ZRANB3: variants seen among roughly 807,000 people sequenced by gnomAD.
ZRANB3 encodes the protein DNA annealing helicase and endonuclease ZRANB3.
A neutral mutation model predicts 133.8 loss-of-function variants in ZRANB3; 125 were observed. That is an observed-to-expected ratio of 0.93 (90% CI 0.81 to 1.08). The LOEUF is 1.08. Among genes scored for constraint, ZRANB3 ranks in the 50% least tolerant of loss-of-function variants. ZRANB3 has a pLI of 0.00. For missense variants in ZRANB3, 1,229 were observed against 1,275.5 expected (o/e 0.96, Z 0.56); for synonymous variants, 387 against 432.7 (o/e 0.89, Z 1.31).
chr2:135,339,338 G>A (rs1684522110), intron 6 of ZRANB3, among the ~76,000 whole-genome samples: 1 of 152,110 alleles, frequency 6.6e-6, no homozygotes, highest in Non-Finnish European at 1.5e-5. Flanking sequence ...TTGAACCCGG[G>A]AGGCAGAGGT....
chr2:135,217,108 A>G (rs1694343317), intron 17 of ZRANB3, among the ~76,000 whole-genome samples: 1 of 152,172 alleles, frequency 6.6e-6, no homozygotes, highest in South Asian at 2.1e-4. Context: ...GGCAAAGCAG[A>G]TGGGGTCCAG....
At chr2:135,363,475 A>AT (rs1685783609) in intron 3 of ZRANB3, among the ~76,000 whole-genome samples, 1 of 152,234 alleles carries the variant, frequency 6.6e-6, no homozygotes, top group South Asian at 2.1e-4. Flanking sequence ...ATTTTCCATA[A>AT]TTTTTGTACG....
rs1478467765 is a variant in ZRANB3, at chr2:135,197,995, CTG to C, written c.*2345_*2346del. 1 of 152,338 alleles carries C rather than the reference CTG, an allele frequency of 6.6e-6. No individual in the cohort carries two copies. The highest frequency in any genetic ancestry group is 1.5e-5 in the Non-Finnish European group (1 of 68,176). 9.4% of individuals were successfully genotyped at this position (152,338 alleles called of 1,614,324 possible). On this transcript the variant is annotated 3_prime_UTR_variant, in exon 21 of 21. Coordinates refer to ENST00000264159, the MANE Select transcript of ZRANB3 (RefSeq NM_032143.4). ...TTTGTTGTTGTTTTCTTAGCCTAAA[CTG>C]TATCTTGCAGCTTCTCTGAGTCTTT...
chr2:135,470,185 C>T lies in ZRANB3; in HGVS notation c.161+34144G>A, dbSNP rs370378773. On this transcript the variant is annotated intron_variant, in intron 2 of 20. Transcript: ENST00000264159. ...ACTAAAAATACAAAAATTAGCCAGG[C>T]GTGGTGGTGGGCACCTATAATCCCA... Among the ~76,000 whole-genome samples, 15 of 151,238 alleles carry T rather than the reference C, an allele frequency of 9.9e-5. No individual in the cohort carries two copies. In the South Asian group the frequency reaches 2.7e-3, roughly 27 times the overall value.
intron 2 of ZRANB3, among the ~76,000 whole-genome samples, chr2:135,436,569 T>A (rs1461519470): frequency 6.6e-6 from 1 of 151,998 alleles, no homozygotes; most frequent in Non-Finnish European, 1.5e-5. Context: ...AGGTGAAAGA[T>A]CTCTACAATG....
chr2:135,232,465 G>A (rs559152555), intron 12 of ZRANB3, among the ~76,000 whole-genome samples: 2 of 152,332 alleles, frequency 1.3e-5, no homozygotes, highest in South Asian at 2.1e-4. Context: ...CCAGCATGCA[G>A]CTGGAGATCT....
At chr2:135,349,921 G>C in intron 5 of ZRANB3, 63 bp downstream of exon 5, 1 of 1,449,928 alleles carries the variant, frequency 6.9e-7, no homozygotes, top group Non-Finnish European at 9.5e-7. Flanking sequence ...ACAGGTGGTT[G>C]ATTCAATACG....
intron 3 of ZRANB3, among the ~76,000 whole-genome samples, chr2:135,383,137 G>T (rs1221969562): frequency 6.6e-6 from 1 of 152,036 alleles, no homozygotes; most frequent in Non-Finnish European, 1.5e-5. Flanking sequence ...CAAAATAAAG[G>T]GATGGAGGAA....
At chr2:135,406,307 C>A (rs1688024736) in intron 2 of ZRANB3, among the ~76,000 whole-genome samples, 1 of 152,056 alleles carries the variant, frequency 6.6e-6, no homozygotes, top group African/African-American at 2.4e-5. Context: ...CAAAAACAGG[C>A]TCTGAAATTG....
chr2:135,390,823 G>GGA lies in ZRANB3; in HGVS notation c.162-5_162-4dup. 7.3e-7 allele frequency: 1 copy of GGA among 1,374,920 alleles called. No homozygotes were observed. The highest frequency in any genetic ancestry group is 9.6e-7 in the Non-Finnish European group (1 of 1,044,484). 85.2% of individuals were successfully genotyped at this position (1,374,920 alleles called of 1,614,324 possible). ...TTACTTCATCAGCCACCATACACCT[G>GGA]GAAAAAAAAAAAAAAAAAAATTAAT... On this transcript the variant is annotated splice_region_variant and splice_polypyrimidine_tract_variant and intron_variant, in intron 2 of 20. Coordinates refer to ENST00000264159, the MANE Select transcript of ZRANB3 (RefSeq NM_032143.4).
intron 8 of ZRANB3, among the ~76,000 whole-genome samples, chr2:135,301,725 G>T (rs1180175318): frequency 6.6e-6 from 1 of 151,964 alleles, no homozygotes; most frequent in African/African-American, 2.4e-5. Flanking sequence ...CATTCCTTGG[G>T]ATGTCTTTCC....
At chr2:135,406,753 C>T (rs1416171084) in intron 2 of ZRANB3, among the ~76,000 whole-genome samples, 4 of 152,120 alleles carry the variant, frequency 2.6e-5, no homozygotes, top group African/African-American at 9.7e-5. Context: ...CAGAAAAGGC[C>T]TTTGACAAAA....
Position 135,207,415 on chromosome 2 carries a change from T to C in ZRANB3, c.3009+19A>G, listed in dbSNP as rs781079046. 1 of 1,579,776 alleles carries C rather than the reference T, an allele frequency of 6.3e-7. No homozygotes were observed. Among genetic ancestry groups the C allele is most frequent in the Non-Finnish European group, 8.6e-7 (1 of 1,162,992 alleles). Reference sequence around the variant, plus strand: ...TCAGTACAATGCTGCCTTCTATCTATCACATGATTATAACTTACCTGTTCT... The same window carrying C: ...TCAGTACAATGCTGCCTTCTATCTACCACATGATTATAACTTACCTGTTCT... On this transcript the variant is annotated intron_variant, in intron 19 of 20. Coordinates refer to ENST00000264159, the MANE Select transcript of ZRANB3 (RefSeq NM_032143.4).
intron 3 of ZRANB3, among the ~76,000 whole-genome samples, chr2:135,364,061 T>G (rs1685815880): frequency 7.7e-6 from 1 of 130,450 alleles, no homozygotes; most frequent in African/African-American, 2.9e-5. Flanking sequence ...ATAAAAGAAA[T>G]GAAGGAAGGA....
chr2:135,516,144 T>C (rs1693690212), intron 1 of ZRANB3, among the ~76,000 whole-genome samples: 1 of 152,166 alleles, frequency 6.6e-6, no homozygotes, highest in African/African-American at 2.4e-5. Context: ...TGGTAAATAT[T>C]CTTCCATCCC....
At chr2:135,269,240 A>C (rs1573796740) in intron 10 of ZRANB3, 99 bp from the exon 11 acceptor site, 1 of 992,532 alleles carries the variant, frequency 1.0e-6, no homozygotes, top group Non-Finnish European at 1.3e-6. Flanking sequence ...GAAGGACTTG[A>C]AAACAAATTA....
At chr2:135,483,592 G>GT (rs1439300379) in intron 2 of ZRANB3, among the ~76,000 whole-genome samples, 1 of 151,876 alleles carries the variant, frequency 6.6e-6, no homozygotes, top group Non-Finnish European at 1.5e-5. Context: ...TTTTTGAAGG[G>GT]TTTTTGTGTC....
chr2:135,456,685 C>G (rs1006868797), intron 2 of ZRANB3, among the ~76,000 whole-genome samples: 2 of 152,094 alleles, frequency 1.3e-5, no homozygotes, highest in African/African-American at 4.8e-5. Flanking sequence ...CTTACTGATT[C>G]ATCTGAAGTT....
intron 6 of ZRANB3, among the ~76,000 whole-genome samples, chr2:135,323,925 C>T (rs1192063680): frequency 1.3e-5 from 2 of 151,876 alleles, no homozygotes; most frequent in African/African-American, 4.8e-5. Context: ...GCAACAGCCA[C>T]CTCCAGCTAA....
Sources: allele counts gnomAD v4.1 joint callset (sites outside exome capture counted in the v4.1 genomes callset), GRCh38; gene constraint gnomAD v4.1.1; transcripts MANE v1.5; gene names NCBI Gene and HGNC (gene_info 2026-07-23, HGNC 2026-07-21).